Variants in FMR1 observed in about 807,000 individuals in gnomAD.
FMR1 encodes fragile X messenger ribonucleoprotein 1, also known as FMRP translational regulator 1.
Under a neutral mutation model 50.6 loss-of-function variants are expected in FMR1, and 13 were observed. That is an observed-to-expected ratio of 0.26 (90% confidence interval 0.17 to 0.41). FMR1 has a LOEUF of 0.41. Among genes scored for constraint, FMR1 ranks in the 10% least tolerant of loss-of-function variants. The probability of loss-of-function intolerance (pLI) is 1.00; values close to 1 mark genes in which losing one functional copy is unlikely to be tolerated. For synonymous variants in FMR1, 138 were observed against 164.1 expected (o/e 0.84, Z 1.22); for missense variants, 316 against 491.3 (o/e 0.64, Z 3.37).
At chrX:147,939,033 C>CT (rs1359303618) in intron 12 of FMR1, among the ~76,000 whole-genome samples, 1 of 111,974 alleles carries the variant, frequency 8.9e-6, no homozygotes, top group African/African-American at 3.2e-5. Flanking sequence ...CTAACTAAAT[C>CT]TGTTACATAG....
intron 9 of FMR1, among the ~76,000 whole-genome samples, chrX:147,936,211 T>A (rs1557179627): frequency 3.6e-5 from 4 of 111,908 alleles, no homozygotes; most frequent in African/African-American, 1.3e-4. Flanking sequence ...AAATAAGAGG[T>A]TATCTTTGAA....
At chrX:147,921,515 A>G (rs1313845993) in intron 1 of FMR1, among the ~76,000 whole-genome samples, 1 of 111,186 alleles carries the variant, frequency 9.0e-6, no homozygotes, top group Non-Finnish European at 1.9e-5. Context: ...TTAATCATTG[A>G]CTATTGGTAT....
intron 13 of FMR1, among the ~76,000 whole-genome samples, chrX:147,942,455 C>T (rs890518659): frequency 6.2e-5 from 7 of 112,126 alleles, no homozygotes; most frequent in Non-Finnish European, 1.1e-4. Flanking sequence ...TACTGTTTCT[C>T]GTACTTGTTG....
rs782128634 is a variant in FMR1 at position 147,948,934 on chromosome X, A to G, written c.*90A>G. On this transcript the variant is annotated 3_prime_UTR_variant, in exon 17 of 17. Transcript: ENST00000370475. The stretch of plus-strand genomic sequence containing the variant: ...CTTTGTTAGGCCAAAGACAAATAGT[A>G]GGCAAGATGGCACAGGGCATGAAAT... 4 of 930,678 alleles carry G rather than the reference A, an allele frequency of 4.3e-6. No homozygotes were observed. Among genetic ancestry groups the G allele is most frequent in the Non-Finnish European group, 6.2e-6 (4 of 643,742 alleles). 76.7% of individuals were successfully genotyped at this position (930,678 alleles called of 1,213,427 possible).
At chrX:147,930,662 T>C (rs2043560428) in intron 7 of FMR1, among the ~76,000 whole-genome samples, 1 of 112,267 alleles carries the variant, frequency 8.9e-6, no homozygotes, top group Non-Finnish European at 1.9e-5. Context: ...TTAAAACTCC[T>C]GTCTTCAGAT....
rs1345073584 is a variant in FMR1, at chrX:147,911,944, C to T, written c.-236C>T. On this transcript the variant is annotated 5_prime_UTR_variant, in exon 1 of 17. Transcript: ENST00000370475. The stretch of plus-strand genomic sequence containing the variant: ...CTCAGTCAGGCGCTCAGCTCCGTTT[C>T]GGTTTCACTTCCGGTGGAGGGCCGC... 2 of 110,679 alleles carry T rather than the reference C, an allele frequency of 1.8e-5. No homozygotes were observed. Among genetic ancestry groups the T allele is most frequent in the African/African-American group, 6.5e-5 (2 of 30,677 alleles). 9.1% of individuals were successfully genotyped at this position (110,679 alleles called of 1,213,427 possible). A position where few individuals can be genotyped will look rare whatever the true frequency, so the allele number is the denominator to read the frequency against.
At position 147,938,094 on chromosome X, in the gene FMR1, T is replaced by G; in HGVS notation, c.1126-5T>G. 1.7e-6 allele frequency: 2 copies of G among 1,201,721 alleles called. No individual in the cohort carries two copies. Among genetic ancestry groups the G allele is most frequent in the Non-Finnish European group, 2.3e-6 (2 of 886,003 alleles). On this transcript the variant is annotated splice_polypyrimidine_tract_variant and splice_region_variant and intron_variant, in intron 11 of 16. Transcript: ENST00000370475. ...ACATCCCTTGCATTCCTTATACTGCTTTAGGTGTTAGTGGCTTCATCAGTT... is the reference window on the plus strand; with the variant it reads ...ACATCCCTTGCATTCCTTATACTGCGTTAGGTGTTAGTGGCTTCATCAGTT...
intron 1 of FMR1, 90 bp downstream of exon 1, chrX:147,912,320 T>C: frequency 1.1e-6 from 1 of 898,218 alleles, no homozygotes; most frequent in Non-Finnish European, 1.6e-6. Context: ...GGGGCCCTCT[T>C]CCCGAGCACC....
At chrX:147,913,677 T>C (rs889152186) in intron 1 of FMR1, 22 of 112,318 alleles carry the variant, frequency 2.0e-4, no homozygotes, top group Non-Finnish European at 3.8e-5. Flanking sequence ...CCTTTTGCTG[T>C]AAAAGGAGGC....
Position 147,928,800 on chromosome X carries a change from C to A in FMR1, c.412C>A (p.Arg138=), listed in dbSNP as rs782759579. 1.9e-5 allele frequency: 23 copies of A among 1,209,133 alleles called. No individual in the cohort carries two copies. The highest frequency in any genetic ancestry group is 2.2e-5 in the Non-Finnish European group (20 of 893,519). ...KIKLDVPEDL[R]QMCAKEAAHK... The stretch of plus-strand genomic sequence containing the variant: ...CAAGCTGGATGTGCCAGAAGACTTA[C>A]GGCAAATGTAAGTTGATACACAAGA... Residue 138 remains arginine (R), a synonymous_variant, in exon 5 of 17, where the codon CGG becomes AGG. Transcript: ENST00000370475.
At chrX:147,933,372 A>G in intron 9 of FMR1, 1 of 774,746 alleles carries the variant, frequency 1.3e-6, no homozygotes. Flanking sequence ...GGGACTATAA[A>G]ATGATAGCAT....
rs868936295 is a variant in FMR1 at position 147,912,640 on chromosome X, T to A, written c.51+410T>A. 1.3e-4 allele frequency: 38 copies of A among 299,875 alleles called. 1 individual carries two copies. Among genetic ancestry groups the A allele is most frequent in the Middle Eastern group, 8.6e-4 (1 of 1,158 alleles). 24.7% of individuals were successfully genotyped at this position (299,875 alleles called of 1,213,427 possible). Reference sequence around the variant, plus strand: ...TCCGGGCCTGTCGTGTGGGTAGTTGTGGAGGAGCGGGGGGCGCTTCAGCCG... The same window carrying A: ...TCCGGGCCTGTCGTGTGGGTAGTTGAGGAGGAGCGGGGGGCGCTTCAGCCG... On this transcript the variant is annotated intron_variant, in intron 1 of 16. Coordinates refer to ENST00000370475, the MANE Select transcript of FMR1 (RefSeq NM_002024.6).
At chrX:147,923,303 A>G (rs2043252798) in intron 2 of FMR1, among the ~76,000 whole-genome samples, 1 of 112,178 alleles carries the variant, frequency 8.9e-6, no homozygotes, top group Non-Finnish European at 1.9e-5. Flanking sequence ...ACATAAAGCC[A>G]AAAGTTTTAG....
At chrX:147,935,276 T>G (rs1391015557) in intron 9 of FMR1, among the ~76,000 whole-genome samples, 1 of 111,869 alleles carries the variant, frequency 8.9e-6, no homozygotes, top group African/African-American at 3.2e-5. Flanking sequence ...CTATGACCAG[T>G]CAAAGAGTTT....
chrX:147,943,589 CCT>C (rs2044078270), intron 14 of FMR1: 4 of 368,883 alleles, frequency 1.1e-5, no homozygotes, highest in Non-Finnish European at 1.4e-5. Flanking sequence ...TTTCTTAAGG[CCT>C]CTCCTGATTT....
chrX:147,948,652 C>T, intron 16 of FMR1, 31 bp from the exon 17 acceptor site: 2 of 1,211,310 alleles, frequency 1.7e-6, no homozygotes, highest in Non-Finnish European at 1.1e-6. Flanking sequence ...AGGATATGGT[C>T]TGTGTATATA....
intron 14 of FMR1, 73 bp downstream of exon 14, chrX:147,943,399 T>C: frequency 1.1e-6 from 1 of 923,588 alleles, no homozygotes; most frequent in Non-Finnish European, 1.6e-6. Context: ...TAATATTCAT[T>C]AGAACCCCAT....
At chrX:147,944,829 T>TA in intron 14 of FMR1, 40 bp from the exon 15 acceptor site, 2 of 1,164,648 alleles carry the variant, frequency 1.7e-6, no homozygotes, top group Non-Finnish European at 1.1e-6. Context: ...TTTTTTTTTT[T>TA]AAAGTCAGAC....
intron 1 of FMR1, 36 bp downstream of exon 1, chrX:147,912,266 T>G: frequency 8.8e-7 from 1 of 1,131,635 alleles, no homozygotes; most frequent in Non-Finnish European, 1.2e-6. Context: ...TCTTCGCCCT[T>G]CCTTCCCTCC....
Sources: gnomAD v4.1 joint callset for allele counts (sites outside exome capture counted in the v4.1 genomes callset) on GRCh38, gnomAD v4.1.1 for gene constraint, MANE v1.5 for transcripts, NCBI Gene and HGNC (gene_info 2026-07-23, HGNC 2026-07-21) for gene names.